ZNF451: variants seen among roughly 807,000 people sequenced by gnomAD.
ZNF451 encodes E3 SUMO-protein ligase ZNF451.
In ZNF451, 80 loss-of-function variants were observed where a neutral mutation model predicts 107.1. That is an observed-to-expected ratio of 0.75 (90% confidence interval 0.62 to 0.90). ZNF451 has a LOEUF of 0.90. Ranked by LOEUF, ZNF451 falls within the 40% of genes least tolerant of loss-of-function variation. The pLI, the probability that ZNF451 is intolerant of heterozygous loss-of-function variation, is 0.00. For synonymous variants in ZNF451, 362 were observed against 406.5 expected (o/e 0.89, Z 1.32); for missense variants, 1,107 against 1,236.2 (o/e 0.90, Z 1.57).
At chr6:57,132,474 C>G (rs1831225752) in intron 5 of ZNF451, among the ~76,000 whole-genome samples, 1 of 152,146 alleles carries the variant, frequency 6.6e-6, no homozygotes, top group African/African-American at 2.4e-5. Flanking sequence ...AATCCCAGCA[C>G]TTTGGGAGGC....
chr6:57,161,862 T>C (rs1050981918), intron 14 of ZNF451, among the ~76,000 whole-genome samples: 15 of 152,144 alleles, frequency 9.9e-5, no homozygotes, highest in African/African-American at 3.6e-4. Context: ...CACGCCCAGC[T>C]AAAAATTAAA....
At chr6:57,155,408 C>A (rs188908118) in intron 13 of ZNF451, among the ~76,000 whole-genome samples, 165 of 152,284 alleles carry the variant, frequency 1.1e-3, no homozygotes, top group African/African-American at 3.8e-3. Context: ...ATCGCTTGAA[C>A]CCAGGAGGCG....
intron 2 of ZNF451, among the ~76,000 whole-genome samples, chr6:57,096,915 A>G (rs969221762): frequency 1.2e-4 from 18 of 150,842 alleles, no homozygotes; most frequent in Non-Finnish European, 2.5e-4. Flanking sequence ...AGCTGGGACT[A>G]CAGGTGCCCG....
rs1764020158 is a variant in ZNF451 at position 57,168,950 on chromosome 6, TG to T, written c.*482del. 6.6e-6 allele frequency: 1 copy of T among 152,644 alleles called. No homozygotes were observed. Among genetic ancestry groups the T allele is most frequent in the African/African-American group, 2.4e-5 (1 of 41,482 alleles). 9.5% of individuals were successfully genotyped at this position (152,644 alleles called of 1,614,324 possible). On this transcript the variant is annotated 3_prime_UTR_variant, in exon 15 of 15. Coordinates refer to ENST00000370706, the MANE Select transcript of ZNF451 (RefSeq NM_001031623.3). ...TATTATATAATACCTTTGAGATCTT[TG>T]TTTATGTTTATTAGAAGAGGGTAAT...
At chr6:57,099,429 T>G in intron 3 of ZNF451, 1 of 714,838 alleles carries the variant, frequency 1.4e-6, no homozygotes, top group East Asian at 2.7e-5. Context: ...GCAAGCTTAT[T>G]GATTCCTCTT....
rs548495012 is a variant in ZNF451 at position 57,163,106 on chromosome 6, C to T, written c.3139+1954C>T. Reference sequence around the variant, plus strand: ...TGGGCTCCTTTGCACTTTTCTCTAACACCCTTCTTCTTTTCCCCTCCTCAT... The same window carrying T: ...TGGGCTCCTTTGCACTTTTCTCTAATACCCTTCTTCTTTTCCCCTCCTCAT... On this transcript the variant is annotated intron_variant, in intron 14 of 14. Coordinates refer to ENST00000370706, the MANE Select transcript of ZNF451 (RefSeq NM_001031623.3). 2.0e-5 allele frequency among the ~76,000 whole-genome samples: 3 copies of T among 152,250 alleles called. No individual in the cohort carries two copies. In the East Asian group the frequency reaches 5.8e-4, roughly 29 times the overall value.
intron 3 of ZNF451, chr6:57,101,957 G>A (rs1209482552): frequency 5.2e-6 from 8 of 1,550,242 alleles, no homozygotes; most frequent in South Asian, 1.2e-5. Context: ...AATCAGCATC[G>A]ATACTTTTAT....
chr6:57,145,218 A>G (rs554359948), intron 9 of ZNF451, among the ~76,000 whole-genome samples: 1 of 152,234 alleles, frequency 6.6e-6, no homozygotes, highest in South Asian at 2.1e-4. Context: ...GTGGAATAGT[A>G]TGTGGTTTTA....
chr6:57,104,737 C>T, intron 3 of ZNF451: 1 of 985,410 alleles, frequency 1.0e-6, no homozygotes, highest in Non-Finnish European at 1.2e-6. Flanking sequence ...TGTTGCTGTT[C>T]TCTTTTCCTC....
Position 57,169,765 on chromosome 6 carries a change from T to C in ZNF451, c.*1296T>C, listed in dbSNP as rs1354226726. 6.6e-6 allele frequency: 1 copy of C among 152,156 alleles called. No individual in the cohort carries two copies. The highest frequency in any genetic ancestry group is 1.5e-5 in the Non-Finnish European group (1 of 68,020). 9.4% of individuals were successfully genotyped at this position (152,156 alleles called of 1,614,324 possible). ...CTTGCATTTTTTAAAAACTAGACAT[T>C]GTGGCTTGAGAATTTATCAATCATC... On this transcript the variant is annotated 3_prime_UTR_variant, in exon 15 of 15. Coordinates refer to ENST00000370706, the MANE Select transcript of ZNF451 (RefSeq NM_001031623.3).
intron 14 of ZNF451, 97 bp from the exon 15 acceptor site, chr6:57,168,326 C>T (rs577482212): frequency 2.4e-6 from 2 of 823,812 alleles, no homozygotes; most frequent in African/African-American, 1.8e-5. Flanking sequence ...ATTTTACTTT[C>T]CTTCTTGAAA....
rs1350093861 is a variant in ZNF451, at chr6:57,099,072, A to G, written c.117A>G (p.Leu39=). ...TTGATTGTTTATAGGAAGGACCATTACGACCTGTTCTTGAATACATTGATC... is the reference window on the plus strand; with the variant it reads ...TTGATTGTTTATAGGAAGGACCATTGCGACCTGTTCTTGAATACATTGATC... The part of the protein sequence containing the change: ...DDIQFVSEGP[L]RPVLEYIDLV... Residue 39 remains leucine, a synonymous_variant, in exon 3 of 15, where the codon TTA becomes TTG. Transcript: ENST00000370706. The G allele has an allele frequency of 1.4e-5, 22 of 1,613,498 alleles. No individual in the cohort carries two copies. Among genetic ancestry groups the G allele is most frequent in the African/African-American group, 2.7e-5 (2 of 74,922 alleles).
At chr6:57,162,155 C>T (rs565492033) in intron 14 of ZNF451, among the ~76,000 whole-genome samples, 3 of 152,296 alleles carry the variant, frequency 2.0e-5, no homozygotes, top group South Asian at 2.1e-4. Context: ...TCTTCATGTA[C>T]ATTCCAGTAT....
chr6:57,138,704 C>CATATATATATATATATATAT, intron 7 of ZNF451, among the ~76,000 whole-genome samples: 1 of 43,778 alleles, frequency 2.3e-5, no homozygotes, highest in East Asian at 6.9e-4. Flanking sequence ...GCAGCTATGC[C>CATATATATATATATATATAT]ATATATATAT....
chr6:57,158,945 C>T (rs754459129), intron 13 of ZNF451: 113 of 985,292 alleles, frequency 1.1e-4, no homozygotes, highest in Non-Finnish European at 1.3e-4. Flanking sequence ...TAAACATTCA[C>T]CTAGGTGCTA....
intron 14 of ZNF451, 51 bp downstream of exon 14, chr6:57,161,203 T>G (rs1593175341): frequency 1.7e-6 from 2 of 1,156,218 alleles, no homozygotes; most frequent in East Asian, 5.4e-5. Context: ...CTGTATTTTT[T>G]TTTTAAATTT....
chr6:57,091,799 A>G (rs768077026), intron 2 of ZNF451, among the ~76,000 whole-genome samples: 13 of 152,204 alleles, frequency 8.5e-5, no homozygotes, highest in Non-Finnish European at 1.5e-4. Flanking sequence ...TCAGATGTGC[A>G]TTTATGGTGG....
intron 3 of ZNF451, among the ~76,000 whole-genome samples, chr6:57,123,810 A>G (rs1342987955): frequency 6.6e-6 from 1 of 152,192 alleles, no homozygotes; most frequent in Non-Finnish European, 1.5e-5. Flanking sequence ...TTTAACTTCA[A>G]ATTCCACTTG....
At chr6:57,095,953 A>G (rs1298015602) in intron 2 of ZNF451, among the ~76,000 whole-genome samples, 1 of 151,726 alleles carries the variant, frequency 6.6e-6, no homozygotes, top group Non-Finnish European at 1.5e-5. Flanking sequence ...CCTCCTGAGT[A>G]GCTGGGATTA....
Sources: allele counts gnomAD v4.1 joint callset (sites outside exome capture counted in the v4.1 genomes callset), GRCh38; gene constraint gnomAD v4.1.1; transcripts MANE v1.5; gene names NCBI Gene and HGNC (gene_info 2026-07-23, HGNC 2026-07-21).